Variants in MALRD1 observed in about 807,000 individuals in gnomAD.
MALRD1 encodes MAM and LDL receptor class A domain containing 1, also known as MAM and LDL-receptor class A domain-containing protein 1.
Under a neutral mutation model 242.1 loss-of-function variants are expected in MALRD1, and 247 were observed. That is an observed-to-expected ratio of 1.02 (90% CI 0.92 to 1.13). The LOEUF is 1.13. MALRD1 is among the 50% of genes most tolerant of loss of function. The probability of loss-of-function intolerance (pLI) is 0.00; values close to 1 mark genes in which losing one functional copy is unlikely to be tolerated. For missense variants in MALRD1, 2,989 were observed against 2,533.1 expected, an observed-to-expected ratio of 1.18 and a Z score of -3.86; for synonymous variants, 995 against 866.6, an observed-to-expected ratio of 1.15 and a Z score of -2.60.
chr10:19,148,334 C>A (rs1466761976), intron 11 of MALRD1, among the ~76,000 whole-genome samples: 2 of 151,678 alleles, frequency 1.3e-5, no homozygotes, highest in African/African-American at 2.4e-5. Context: ...GCACCCATGT[C>A]TAAATATTAG....
intron 38 of MALRD1, chr10:19,722,034 T>C (rs952494551): frequency 1.4e-4 from 22 of 152,236 alleles, no homozygotes; most frequent in African/African-American, 5.1e-4. Flanking sequence ...GAGAAGTTAG[T>C]GGACTTCATT....
At chr10:19,424,043 G>A (rs1322099750) in intron 28 of MALRD1, among the ~76,000 whole-genome samples, 1 of 152,142 alleles carries the variant, frequency 6.6e-6, no homozygotes, top group African/African-American at 2.4e-5. Context: ...CAGAAAAAAA[G>A]ACTCAATTTG....
chr10:19,051,270 A>C lies in MALRD1; in HGVS notation c.199+2133A>C, dbSNP rs1482463409. On this transcript the variant is annotated intron_variant, in intron 1 of 39. Transcript: ENST00000454679. ...TAGATTTTTTTAAAACTAGCTTTAT[A>C]AGGATTTACAGTAGCCACATTAAAA... Among the ~76,000 whole-genome samples, 3 of 150,132 alleles carry C rather than the reference A, an allele frequency of 2.0e-5. No individual in the cohort carries two copies. The East Asian group carries it at 6.0e-4, about 30-fold the overall frequency.
intron 31 of MALRD1, among the ~76,000 whole-genome samples, chr10:19,505,986 G>A (rs916723184): frequency 5.3e-5 from 8 of 152,160 alleles, no homozygotes; most frequent in Admixed American, 3.3e-4. Context: ...CACCCACAAA[G>A]ATTCTTATTT....
chr10:19,482,757 G>A (rs927108213), intron 29 of MALRD1, among the ~76,000 whole-genome samples: 3 of 145,762 alleles, frequency 2.1e-5, no homozygotes, highest in Non-Finnish European at 4.5e-5. Context: ...TCTGCAAGAA[G>A]AACTATAAAA....
intron 28 of MALRD1, among the ~76,000 whole-genome samples, chr10:19,404,653 T>G (rs1257239603): frequency 6.6e-6 from 1 of 152,104 alleles, no homozygotes; most frequent in African/African-American, 2.4e-5. Context: ...AGAGTCACTT[T>G]GTTTTCCTAG....
chr10:19,678,987 T>G (rs1476905370), intron 36 of MALRD1, among the ~76,000 whole-genome samples: 1 of 152,230 alleles, frequency 6.6e-6, no homozygotes, highest in Non-Finnish European at 1.5e-5. Flanking sequence ...GAACCAGCCT[T>G]GCATCCCGGG....
At chr10:19,530,385 T>TA (rs11410610) in intron 31 of MALRD1, among the ~76,000 whole-genome samples, 59,331 of 82,526 alleles carry the variant, frequency 0.72, 22,742 homozygotes, top group Non-Finnish European at 0.8. Flanking sequence ...ATAAATATTA[T>TA]ATATTTATAT....
Position 19,554,044 on chromosome 10 carries a change from A to G in MALRD1, c.5479-13458A>G, listed in dbSNP as rs374916163. On this transcript the variant is annotated intron_variant, in intron 32 of 39. Transcript: ENST00000454679. ...ATACAAAATCCCCTGCTTTTATAGC[A>G]TTTATATTACAGTGAAAGAAACAGG... Among the ~76,000 whole-genome samples, 146 of 152,332 alleles carry G rather than the reference A, an allele frequency of 9.6e-4. 1 individual carries two copies. Among genetic ancestry groups the G allele is most frequent in the African/African-American group, 3.3e-3 (136 of 41,566 alleles).
At chr10:19,188,138 T>C (rs549382174) in intron 14 of MALRD1, among the ~76,000 whole-genome samples, 1 of 152,088 alleles carries the variant, frequency 6.6e-6, no homozygotes, top group Non-Finnish European at 1.5e-5. Context: ...AACAGAAGAC[T>C]TGCAAGATCT....
At chr10:19,391,051 C>A (rs557497626) in intron 28 of MALRD1, among the ~76,000 whole-genome samples, 1 of 152,002 alleles carries the variant, frequency 6.6e-6, no homozygotes, top group African/African-American at 2.4e-5. Flanking sequence ...TTGCTTCAGT[C>A]GTATTTACAT....
At chr10:19,614,397 CAG>C (rs1448885922) in intron 35 of MALRD1, among the ~76,000 whole-genome samples, 1 of 151,986 alleles carries the variant, frequency 6.6e-6, no homozygotes, top group Non-Finnish European at 1.5e-5. Flanking sequence ...AAATTAAAGA[CAG>C]AGGAAATTTT....
intron 19 of MALRD1, among the ~76,000 whole-genome samples, chr10:19,266,051 A>C (rs1263659144): frequency 6.6e-6 from 1 of 151,184 alleles, no homozygotes; most frequent in African/African-American, 2.4e-5. Flanking sequence ...TCTGGTTTGC[A>C]TTTGCATGGA....
At chr10:19,345,051 A>C (rs1394281722) in intron 24 of MALRD1, among the ~76,000 whole-genome samples, 2 of 152,096 alleles carry the variant, frequency 1.3e-5, no homozygotes, top group Non-Finnish European at 2.9e-5. Context: ...CCTGGTGCCT[A>C]TAGGAAATAA....
intron 29 of MALRD1, among the ~76,000 whole-genome samples, chr10:19,472,966 A>G (rs10827486): frequency 0.86 from 129,909 of 150,726 alleles, 56,137 homozygotes; most frequent in East Asian, 1. Flanking sequence ...CTTCGCATAT[A>G]TTTTTTAAAT....
At chr10:19,302,902 A>G (rs960873578) in intron 21 of MALRD1, among the ~76,000 whole-genome samples, 1 of 151,780 alleles carries the variant, frequency 6.6e-6, no homozygotes, top group Non-Finnish European at 1.5e-5. Flanking sequence ...TTAACTAACA[A>G]CTAATAAAAT....
intron 29 of MALRD1, among the ~76,000 whole-genome samples, chr10:19,474,352 C>T (rs1474952153): frequency 6.6e-6 from 1 of 151,992 alleles, no homozygotes; most frequent in Non-Finnish European, 1.5e-5. Context: ...TATCCTATTT[C>T]CAATGTACAT....
chr10:19,434,496 C>T (rs1388271920), intron 28 of MALRD1, among the ~76,000 whole-genome samples: 4 of 151,802 alleles, frequency 2.6e-5, no homozygotes, highest in Middle Eastern at 3.4e-3. Flanking sequence ...TTAAACATTT[C>T]AAAATGTTTG....
chr10:19,344,835 C>CA (rs1564579873), intron 24 of MALRD1, among the ~76,000 whole-genome samples: 5 of 151,682 alleles, frequency 3.3e-5, no homozygotes, highest in African/African-American at 1.2e-4. Context: ...GGTTTTCAGC[C>CA]TACAAATTTT....
Sources: allele counts gnomAD v4.1 joint callset (sites outside exome capture counted in the v4.1 genomes callset), GRCh38; gene constraint gnomAD v4.1.1; transcripts MANE v1.5; gene names NCBI Gene and HGNC (gene_info 2026-07-23, HGNC 2026-07-21).